The following NTNG2 variants were observed in gnomAD, a reference collection of about 807,000 sequenced individuals.
NTNG2 encodes netrin G2.
Under a neutral mutation model 47.6 loss-of-function variants are expected in NTNG2, and 15 were observed. That is an observed-to-expected ratio of 0.32 (90% confidence interval 0.21 to 0.49). NTNG2 has a LOEUF of 0.49. Ranked by LOEUF, NTNG2 falls within the 20% of genes least tolerant of loss-of-function variation. The probability of loss-of-function intolerance (pLI) is 0.99; values close to 1 mark genes in which losing one functional copy is unlikely to be tolerated. For synonymous variants in NTNG2, 307 were observed against 324.6 expected (o/e 0.95, Z 0.58); for missense variants, 578 against 764.6 (o/e 0.76, Z 2.88).
rs75767547 is a variant in NTNG2 at position 132,206,195 on chromosome 9, G to A, written c.857+7586G>A. On this transcript the variant is annotated intron_variant, in intron 3 of 7. Coordinates refer to ENST00000393229, the MANE Select transcript of NTNG2 (RefSeq NM_032536.4). ...CTGGGGCCTATGGGCTCTTAGGAGC[G>A]CAAAGGGTGGGTTTCAATCATCCAT... Among the ~76,000 whole-genome samples, 985 of 152,290 alleles carry A rather than the reference G, an allele frequency of 6.5e-3. 17 individuals are homozygous for A. The East Asian group carries it at 0.07, about 11-fold the overall frequency.
At chr9:132,194,910 C>T (rs915434777) in intron 2 of NTNG2, among the ~76,000 whole-genome samples, 1 of 152,190 alleles carries the variant, frequency 6.6e-6, no homozygotes, top group Non-Finnish European at 1.5e-5. Flanking sequence ...TGGCTCAGCC[C>T]CTCAGAAGGC....
intron 6 of NTNG2, chr9:132,240,632 G>A: frequency 1.8e-6 from 1 of 547,774 alleles, no homozygotes; most frequent in Non-Finnish European, 3.3e-6. Flanking sequence ...TGCCCAGAGA[G>A]GGGAAGGGGC....
intron 2 of NTNG2, among the ~76,000 whole-genome samples, chr9:132,193,019 TGACA>T (rs1180597524): frequency 2.0e-5 from 3 of 152,132 alleles, no homozygotes; most frequent in Non-Finnish European, 2.9e-5. Flanking sequence ...GTCTTCCCAG[TGACA>T]GACAGGCCGG....
chr9:132,206,538 G>A (rs1284723725), intron 3 of NTNG2, among the ~76,000 whole-genome samples: 1 of 152,186 alleles, frequency 6.6e-6, no homozygotes, highest in Non-Finnish European at 1.5e-5. Context: ...GTGGTGGCGT[G>A]CACCTGTAAT....
Position 132,162,634 on chromosome 9 carries a change from A to G in NTNG2, c.-484+395A>G, listed in dbSNP as rs1835155522. Among the ~76,000 whole-genome samples the G allele has an allele frequency of 7.6e-6, 1 of 131,560 alleles. No individual in the cohort carries two copies. Among genetic ancestry groups the G allele is most frequent in the Non-Finnish European group, 1.6e-5 (1 of 63,242 alleles). The allele number at this position is 131,560 out of a possible 152,430, so 86.3% of individuals were successfully genotyped here. A position where few individuals can be genotyped will look rare whatever the true frequency, so the allele number is the denominator to read the frequency against. ...TGTGTGTGTCGGGGAGGGATGTTGC[A>G]AGGATGCTCGGATGTGTCTCGGAAA... On this transcript the variant is annotated intron_variant, in intron 1 of 7. Transcript: ENST00000393229. This position sits in a 1 kb window ranked among gnomAD's most constrained non-coding sequence, Gnocchi z 4.6.
At chr9:132,183,829 T>A (rs1459335205) in intron 2 of NTNG2, among the ~76,000 whole-genome samples, 1 of 152,150 alleles carries the variant, frequency 6.6e-6, no homozygotes, top group Non-Finnish European at 1.5e-5. Flanking sequence ...CTGAGGGTTT[T>A]GGTTAGTTGG....
chr9:132,228,181 G>A (rs1039335043), intron 4 of NTNG2, among the ~76,000 whole-genome samples: 4 of 152,360 alleles, frequency 2.6e-5, no homozygotes, highest in East Asian at 1.9e-4. Context: ...ATCCTCCCTC[G>A]ACGGGTGAAA....
chr9:132,191,847 G>A (rs949932450), intron 2 of NTNG2, among the ~76,000 whole-genome samples: 7 of 152,144 alleles, frequency 4.6e-5, no homozygotes, highest in East Asian at 3.9e-4. Context: ...CTTGGATTAC[G>A]GGCGTGAGCC....
intron 3 of NTNG2, among the ~76,000 whole-genome samples, chr9:132,220,051 A>G (rs770011075): frequency 6.6e-6 from 1 of 152,172 alleles, no homozygotes; most frequent in East Asian, 1.9e-4. Context: ...GTGAAGTGGT[A>G]TCTCATTATG....
chr9:132,203,878 GC>G (rs1310811591), intron 3 of NTNG2, among the ~76,000 whole-genome samples: 1 of 152,232 alleles, frequency 6.6e-6, no homozygotes, highest in Non-Finnish European at 1.5e-5. Flanking sequence ...CAGGAAGGCA[GC>G]CCAGCGGGTC....
chr9:132,191,310 T>A (rs1284281337), intron 2 of NTNG2, among the ~76,000 whole-genome samples: 1 of 151,950 alleles, frequency 6.6e-6, no homozygotes, highest in Non-Finnish European at 1.5e-5. Flanking sequence ...TTGCTGGGAG[T>A]GGAGTGTCCC....
Position 132,198,327 on chromosome 9 carries a change from G to A in NTNG2, c.575G>A (p.Arg192His), listed in dbSNP as rs1254592166. 5.6e-6 allele frequency: 9 copies of A among 1,612,610 alleles called. No homozygotes were observed. The highest frequency in any genetic ancestry group is 2.7e-5 in the African/African-American group (2 of 74,942). The change falls in exon 3 of 8, where the codon CGC (arginine) becomes CAC (histidine). Residue 192 changes from arginine (R) to histidine (H), a missense_variant. Transcript: ENST00000393229. Reference protein sequence around the residue: ...ARDMSSSSAHRVLCTEEYSRW... With the variant: ...ARDMSSSSAHHVLCTEEYSRW... ...GACATGTCATCCTCCAGCGCGCACC[G>A]CGTGCTCTGCACCGAGGAGTACTCG...
chr9:132,200,224 G>A (rs1245432043), intron 3 of NTNG2, among the ~76,000 whole-genome samples: 3 of 152,314 alleles, frequency 2.0e-5, no homozygotes, highest in Non-Finnish European at 1.5e-5. Context: ...AGGGAGGAGA[G>A]AGTTGAGACC....
At chr9:132,171,889 C>T (rs1250255222) in intron 2 of NTNG2, among the ~76,000 whole-genome samples, 1 of 152,214 alleles carries the variant, frequency 6.6e-6, no homozygotes, top group Non-Finnish European at 1.5e-5. Flanking sequence ...CTCCTCTCGC[C>T]GTCACAACCC....
intron 3 of NTNG2, among the ~76,000 whole-genome samples, chr9:132,220,758 C>G (rs571644195): frequency 6.6e-6 from 1 of 152,226 alleles, no homozygotes; most frequent in South Asian, 2.1e-4. Flanking sequence ...CCCTACGTTT[C>G]CATCTGAGAG....
intron 3 of NTNG2, among the ~76,000 whole-genome samples, chr9:132,209,545 C>A (rs889676549): frequency 6.6e-6 from 1 of 152,174 alleles, no homozygotes; most frequent in Admixed American, 6.5e-5. Flanking sequence ...GCGGTTCCTG[C>A]AGGGCAGCGG....
chr9:132,214,363 C>T (rs940360618), intron 3 of NTNG2, among the ~76,000 whole-genome samples: 5 of 152,232 alleles, frequency 3.3e-5, no homozygotes, highest in East Asian at 1.9e-4. Flanking sequence ...CCCTGCAGCG[C>T]AGGGCACGCT....
chr9:132,202,581 A>G (rs1410103692), intron 3 of NTNG2, among the ~76,000 whole-genome samples: 1 of 152,118 alleles, frequency 6.6e-6, no homozygotes, highest in Non-Finnish European at 1.5e-5. Context: ...GAGCCTGGAG[A>G]GTGGCTGGCT....
At chr9:132,188,474 C>T (rs985888041) in intron 2 of NTNG2, among the ~76,000 whole-genome samples, 7 of 152,236 alleles carry the variant, frequency 4.6e-5, no homozygotes, top group Non-Finnish European at 8.8e-5. Flanking sequence ...CTTCTTATCC[C>T]ACCTCAGCTG....
Sources: gnomAD v4.1 joint callset for allele counts (sites outside exome capture counted in the v4.1 genomes callset) on GRCh38, gnomAD v4.1.1 for gene constraint, Gnocchi (gnomAD v3.1) non-coding constraint, MANE v1.5 for transcripts, NCBI Gene and HGNC (gene_info 2026-07-23, HGNC 2026-07-21) for gene names.